MYRIP: variants seen among roughly 807,000 people sequenced by gnomAD.
MYRIP encodes rab effector MyRIP.
A neutral mutation model predicts 98.0 loss-of-function variants in MYRIP; 49 were observed. The observed-to-expected ratio is 0.50, with a 90% confidence interval of 0.40 to 0.63. The LOEUF is 0.63. MYRIP is among the 30% of genes least tolerant of loss of function. The probability of loss-of-function intolerance (pLI) is 0.00; values close to 1 mark genes in which losing one functional copy is unlikely to be tolerated. For missense variants in MYRIP, 1,004 were observed against 1,058.2 expected, an observed-to-expected ratio of 0.95 and a Z score of 0.71; for synonymous variants, 404 against 409.5, an observed-to-expected ratio of 0.99 and a Z score of 0.16.
chr3:39,910,234 A>G (rs1223965665), intron 2 of MYRIP, among the ~76,000 whole-genome samples: 1 of 152,146 alleles, frequency 6.6e-6, no homozygotes. Context: ...AGGCTCTAAA[A>G]CGGTGTTAAA....
At chr3:40,182,611 A>T (rs147595711) in intron 9 of MYRIP, among the ~76,000 whole-genome samples, 8 of 152,298 alleles carry the variant, frequency 5.3e-5, no homozygotes, top group African/African-American at 1.7e-4. Flanking sequence ...TTAGGGTGTC[A>T]TCATATTCTA....
intron 2 of MYRIP, among the ~76,000 whole-genome samples, chr3:40,035,129 CAAGTT>C (rs1316761125): frequency 4.0e-5 from 6 of 150,008 alleles, no homozygotes; most frequent in Non-Finnish European, 7.4e-5. Context: ...TGCTAAATGA[CAAGTT>C]AATGGGTGCA....
intron 3 of MYRIP, among the ~76,000 whole-genome samples, chr3:40,129,477 T>C (rs78491985): frequency 6.0e-5 from 3 of 49,706 alleles, no homozygotes; most frequent in African/African-American, 2.0e-4. Context: ...AAAAAAAAAA[T>C]CATGCCACCT....
At chr3:39,834,157 G>A (rs9821211) in intron 1 of MYRIP, among the ~76,000 whole-genome samples, 37,794 of 152,020 alleles carry the variant, frequency 0.25, 4,826 homozygotes, top group South Asian at 0.32. Context: ...CAAATTGCTG[G>A]GCCACTTTAT....
chr3:40,111,570 A>T (rs2125901922), intron 3 of MYRIP, among the ~76,000 whole-genome samples: 1 of 152,212 alleles, frequency 6.6e-6, no homozygotes, highest in South Asian at 2.1e-4. Flanking sequence ...GATGGGACTG[A>T]TGAGTAATTA....
Position 39,977,294 on chromosome 3 carries a change from G to A in MYRIP, c.111-66756G>A, listed in dbSNP as rs371054514. Among the ~76,000 whole-genome samples, 91 of 152,218 alleles carry A rather than the reference G, an allele frequency of 6.0e-4. 1 individual carries two copies. The highest frequency in any genetic ancestry group is 2.0e-3 in the African/African-American group (83 of 41,542). ...ATGAGGGGGGCAAGTCTTCAGGCCA[G>A]GCTCAGGCTTAGTCAGCACACTCAG... On this transcript the variant is annotated intron_variant, in intron 2 of 16. Transcript: ENST00000302541.
chr3:40,147,221 C>G (rs1950028092), intron 3 of MYRIP, among the ~76,000 whole-genome samples: 1 of 152,112 alleles, frequency 6.6e-6, no homozygotes, highest in African/African-American at 2.4e-5. Context: ...CTGGCGACCT[C>G]TATGACTTTA....
At chr3:39,876,467 C>T (rs1942999078) in intron 1 of MYRIP, among the ~76,000 whole-genome samples, 1 of 152,152 alleles carries the variant, frequency 6.6e-6, no homozygotes, top group Admixed American at 6.5e-5. Context: ...CATGATTTTG[C>T]AGTGGTTGGT....
chr3:40,232,494 A>G (rs999960586), intron 11 of MYRIP, among the ~76,000 whole-genome samples: 1 of 152,236 alleles, frequency 6.6e-6, no homozygotes, highest in African/African-American at 2.4e-5. Context: ...GCTATCATTA[A>G]TATTTTGGTC....
chr3:39,832,972 A>T (rs1316484202), intron 1 of MYRIP, among the ~76,000 whole-genome samples: 1 of 152,214 alleles, frequency 6.6e-6, no homozygotes, highest in Non-Finnish European at 1.5e-5. Context: ...ATAGCACCAA[A>T]TTGGAATCAA....
chr3:40,066,398 C>A (rs1948127001), intron 3 of MYRIP, among the ~76,000 whole-genome samples: 4 of 151,716 alleles, frequency 2.6e-5, no homozygotes, highest in African/African-American at 9.7e-5. Flanking sequence ...CTGAAGAAAA[C>A]TTTTTTTTTC....
intron 10 of MYRIP, among the ~76,000 whole-genome samples, chr3:40,194,096 C>A (rs1951319447): frequency 6.6e-6 from 1 of 151,956 alleles, no homozygotes; most frequent in African/African-American, 2.4e-5. Flanking sequence ...TGGTTACTAT[C>A]AGTTATTTCC....
chr3:39,894,052 G>A (rs983007897), intron 1 of MYRIP, among the ~76,000 whole-genome samples: 13 of 152,174 alleles, frequency 8.5e-5, no homozygotes, highest in African/African-American at 2.9e-4. Context: ...TGCATCATAC[G>A]AAATTTTATC....
intron 2 of MYRIP, among the ~76,000 whole-genome samples, chr3:39,905,687 T>C (rs932678376): frequency 3.3e-5 from 5 of 152,178 alleles, no homozygotes; most frequent in African/African-American, 1.2e-4. Flanking sequence ...AAAAACATAT[T>C]TGAGTCTCCT....
chr3:39,920,408 G>C (rs1451858378), intron 2 of MYRIP, among the ~76,000 whole-genome samples: 1 of 152,122 alleles, frequency 6.6e-6, no homozygotes, highest in Non-Finnish European at 1.5e-5. Flanking sequence ...TTAGACCTTA[G>C]ATGTTTCTCT....
chr3:39,998,247 C>T (rs1234108362), intron 2 of MYRIP, among the ~76,000 whole-genome samples: 3 of 151,854 alleles, frequency 2.0e-5, no homozygotes, highest in East Asian at 1.9e-4. Context: ...TCAAATTGTC[C>T]GTTTGCAGAT....
intron 1 of MYRIP, among the ~76,000 whole-genome samples, chr3:39,810,231 C>G (rs1443135231): frequency 6.6e-6 from 1 of 152,260 alleles, no homozygotes; most frequent in Non-Finnish European, 1.5e-5. Flanking sequence ...CCACGTAGTG[C>G]TTGGGCTGCG....
At chr3:40,019,269 T>G (rs982368749) in intron 2 of MYRIP, among the ~76,000 whole-genome samples, 4 of 152,174 alleles carry the variant, frequency 2.6e-5, no homozygotes, top group Non-Finnish European at 5.9e-5. Context: ...TCCCCAGCCT[T>G]TCCTCACTAT....
At chr3:39,977,597 G>A (rs1480339679) in intron 2 of MYRIP, among the ~76,000 whole-genome samples, 1 of 152,138 alleles carries the variant, frequency 6.6e-6, no homozygotes, top group East Asian at 1.9e-4. Context: ...TGGTAACTTT[G>A]GGTTAAAGAC....
Sources: gnomAD v4.1 joint callset for allele counts (sites outside exome capture counted in the v4.1 genomes callset) on GRCh38, gnomAD v4.1.1 for gene constraint, MANE v1.5 for transcripts, NCBI Gene and HGNC (gene_info 2026-07-23, HGNC 2026-07-21) for gene names.